Variants in SEMA6D observed in about 807,000 individuals in gnomAD.
The protein encoded by SEMA6D is semaphorin 6D.
In SEMA6D, 35 loss-of-function variants were observed where a neutral mutation model predicts 106.6. The ratio of observed to expected loss-of-function variants is 0.33; its 90% confidence interval spans 0.25 to 0.44. The LOEUF (loss-of-function observed/expected upper bound fraction) is 0.44, where lower values mean the gene tolerates loss of function less well. Ranked by LOEUF, SEMA6D falls within the 20% of genes least tolerant of loss-of-function variation. The pLI is 1.00. For synonymous variants in SEMA6D, 499 were observed against 487.7 expected (o/e 1.02, Z -0.31); for missense variants, 1,185 against 1,345.9 (o/e 0.88, Z 1.87).
At chr15:47,603,457 A>C (rs2076706473) in intron 4 of SEMA6D, 2 of 152,136 alleles carry the variant, frequency 1.3e-5, no homozygotes, top group African/African-American at 4.8e-5. Flanking sequence ...AGAAAAGACT[A>C]GGTAGGAAGA....
chr15:47,363,465 T>C (rs1029452711), intron 1 of SEMA6D, among the ~76,000 whole-genome samples: 3 of 152,198 alleles, frequency 2.0e-5, no homozygotes, highest in African/African-American at 7.2e-5. Flanking sequence ...TATTAATCTT[T>C]AGAGAGTTAA....
chr15:47,677,191 G>C (rs1168402661), intron 4 of SEMA6D, among the ~76,000 whole-genome samples: 1 of 152,080 alleles, frequency 6.6e-6, no homozygotes, highest in Admixed American at 6.5e-5. Context: ...CTGGAGGTTG[G>C]GGACCCCTGT....
At chr15:47,503,485 G>A (rs2141639112) in intron 3 of SEMA6D, among the ~76,000 whole-genome samples, 1 of 152,298 alleles carries the variant, frequency 6.6e-6, no homozygotes, top group South Asian at 2.1e-4. Context: ...GCTGGTCGCA[G>A]TTCCATAGCT....
intron 1 of SEMA6D, among the ~76,000 whole-genome samples, chr15:47,185,259 G>C (rs1375701054): frequency 6.6e-6 from 1 of 152,214 alleles, no homozygotes; most frequent in East Asian, 1.9e-4. Context: ...CTTGGAGCTC[G>C]GAAGAGCAAA....
chr15:47,727,561 C>A (rs1005962133), intron 1 of SEMA6D, among the ~76,000 whole-genome samples: 4 of 152,154 alleles, frequency 2.6e-5, no homozygotes, highest in African/African-American at 9.7e-5. Flanking sequence ...CTCTTGCCTA[C>A]GGCACGAAGA....
intron 9 of SEMA6D, among the ~76,000 whole-genome samples, chr15:47,763,602 C>T (rs1449642695): frequency 6.6e-6 from 1 of 152,164 alleles, no homozygotes; most frequent in Non-Finnish European, 1.5e-5. Context: ...GGTTTTCATT[C>T]AGCAAGGCAG....
Position 47,744,634 on chromosome 15 carries a change from A to G in SEMA6D, c.-54-15111A>G, listed in dbSNP as rs1033079441. ...TCAGAATGCCAAGTCCACATTCGTAAGTGCCAGTGGAGGCTCGGTCCCTGT... is the reference window on the plus strand; with the variant it reads ...TCAGAATGCCAAGTCCACATTCGTAGGTGCCAGTGGAGGCTCGGTCCCTGT... On this transcript the variant is annotated intron_variant, in intron 1 of 18. Coordinates refer to ENST00000536845, the MANE Select transcript of SEMA6D (RefSeq NM_001358351.3). Among the ~76,000 whole-genome samples the G allele has an allele frequency of 7.9e-5, 12 of 152,272 alleles. No homozygotes were observed. In the East Asian group the frequency reaches 2.3e-3, roughly 29 times the overall value.
intron 1 of SEMA6D, among the ~76,000 whole-genome samples, chr15:47,225,433 A>T (rs554207534): frequency 9.3e-5 from 13 of 139,342 alleles, no homozygotes; most frequent in Non-Finnish European, 1.5e-4. Context: ...TCATATGCTT[A>T]TTTGCCATCC....
intron 3 of SEMA6D, among the ~76,000 whole-genome samples, chr15:47,506,814 T>G (rs1596185782): frequency 6.6e-6 from 1 of 152,338 alleles, no homozygotes; most frequent in East Asian, 1.9e-4. Context: ...GTAACATTAC[T>G]GCAAGAGTTA....
intron 1 of SEMA6D, among the ~76,000 whole-genome samples, chr15:47,757,624 G>C (rs1010640638): frequency 1.3e-5 from 2 of 152,074 alleles, no homozygotes; most frequent in African/African-American, 2.4e-5. Flanking sequence ...TTGCTTTTTT[G>C]TTTTGTTTTG....
intron 4 of SEMA6D, among the ~76,000 whole-genome samples, chr15:47,683,907 G>A (rs1213017402): frequency 2.0e-5 from 3 of 152,128 alleles, no homozygotes; most frequent in Admixed American, 6.5e-5. Flanking sequence ...TACGTTTAGT[G>A]ACCCTCCTCA....
At chr15:47,286,341 T>A (rs569543251) in intron 1 of SEMA6D, among the ~76,000 whole-genome samples, 1 of 152,254 alleles carries the variant, frequency 6.6e-6, no homozygotes, top group East Asian at 1.9e-4. Flanking sequence ...ACCTTTACAC[T>A]CTTAAAAATT....
At chr15:47,348,719 C>CGAGAGAGAGAGAG (rs1567016651) in intron 1 of SEMA6D, among the ~76,000 whole-genome samples, 4 of 19,160 alleles carry the variant, frequency 2.1e-4, no homozygotes, top group Admixed American at 9.3e-4. Flanking sequence ...ACACACACAC[C>CGAGAGAGAGAGAG]ACACACACAG....
intron 1 of SEMA6D, among the ~76,000 whole-genome samples, chr15:47,203,090 TG>T (rs1180470647): frequency 6.6e-6 from 1 of 152,198 alleles, no homozygotes; most frequent in African/African-American, 2.4e-5. Flanking sequence ...CTTCCTTTTC[TG>T]GACCTGCCTG....
chr15:47,326,307 TG>T (rs2037127362), intron 1 of SEMA6D, among the ~76,000 whole-genome samples: 1 of 152,234 alleles, frequency 6.6e-6, no homozygotes, highest in Admixed American at 6.5e-5. Flanking sequence ...CAATAATGAC[TG>T]TGCTTTTAAC....
chr15:47,711,283 C>G (rs543675906), intron 4 of SEMA6D, among the ~76,000 whole-genome samples: 22 of 124,230 alleles, frequency 1.8e-4, no homozygotes, highest in African/African-American at 6.9e-4. Context: ...GCACTCCAGC[C>G]TGGGCGACAG....
intron 1 of SEMA6D, among the ~76,000 whole-genome samples, chr15:47,227,429 CTTTCTTTCT>C (rs1273454379): frequency 9.6e-5 from 14 of 145,710 alleles, no homozygotes; most frequent in African/African-American, 3.6e-4. Context: ...CTCTTTCTTT[CTTTCTTTCT>C]TTTCTTTCTT....
intron 1 of SEMA6D, among the ~76,000 whole-genome samples, chr15:47,724,556 C>A (rs1284575510): frequency 6.6e-6 from 1 of 150,846 alleles, no homozygotes; most frequent in Non-Finnish European, 1.5e-5. Flanking sequence ...AGGATTTGGA[C>A]AGGTGGACAG....
intron 1 of SEMA6D, among the ~76,000 whole-genome samples, chr15:47,205,856 G>A (rs564290392): frequency 6.6e-6 from 1 of 152,236 alleles, no homozygotes; most frequent in African/African-American, 2.4e-5. Flanking sequence ...TATAAATATA[G>A]CATGCATGCA....
Sources: allele counts gnomAD v4.1 joint callset (sites outside exome capture counted in the v4.1 genomes callset), GRCh38; gene constraint gnomAD v4.1.1; transcripts MANE v1.5; gene names NCBI Gene and HGNC (gene_info 2026-07-23, HGNC 2026-07-21).